Variants in QNG1 observed in about 807,000 individuals in gnomAD.
QNG1 encodes Q-nucleotide N-glycosylase 1, also known as queuosine 5'-phosphate N-glycosylase/hydrolase.
chr9:83,952,010 G>T, the QNG1 span, among the ~76,000 whole-genome samples: 5 of 152,014 alleles, frequency 3.3e-5, no homozygotes, highest in African/African-American at 1.2e-4. Context: ...ATTTTTTTGG[G>T]GACAAGGTCT....
chr9:83,943,827 C>A, the QNG1 span, among the ~76,000 whole-genome samples: 9 of 150,754 alleles, frequency 6.0e-5, no homozygotes, highest in African/African-American at 2.2e-4. Flanking sequence ...CGAGACCATC[C>A]TGGCTAACAC....
the QNG1 span, among the ~76,000 whole-genome samples, chr9:83,940,824 G>A: frequency 6.6e-6 from 1 of 152,282 alleles, no homozygotes; most frequent in Non-Finnish European, 1.5e-5. Context: ...GATATCTTGT[G>A]ACCTTAAGTA....
chr9:83,956,533 T>C, the QNG1 span: 1 of 1,506,264 alleles, frequency 6.6e-7, no homozygotes, highest in Admixed American at 2.3e-5. Context: ...GCCAAACTCT[T>C]CCCGCCCTAG....
At chr9:83,946,632 A>G in the QNG1 span, among the ~76,000 whole-genome samples, 2 of 152,190 alleles carry the variant, frequency 1.3e-5, no homozygotes, top group African/African-American at 4.8e-5. Context: ...TACACTTGTA[A>G]TCCCATCAAT....
At chr9:83,944,947 C>G in the QNG1 span, 1 of 1,612,198 alleles carries the variant, frequency 6.2e-7, no homozygotes, top group South Asian at 1.1e-5. Context: ...CACGTATCTG[C>G]TACAAGGATT....
chr9:83,954,879 CAAAAAAAAAAAAA>C, the QNG1 span, among the ~76,000 whole-genome samples: 15 of 47,028 alleles, frequency 3.2e-4, no homozygotes, highest in Non-Finnish European at 6.2e-4. Flanking sequence ...GAGTCCATCT[CAAAAAAAAAAAAA>C]AAAAAAAAAA....
chr9:83,952,356 T>C, the QNG1 span, among the ~76,000 whole-genome samples: 1 of 152,216 alleles, frequency 6.6e-6, no homozygotes, highest in African/African-American at 2.4e-5. Flanking sequence ...TGTACCAATT[T>C]TCATTTAAAA....
the QNG1 span, chr9:83,956,365 C>A: frequency 6.2e-7 from 1 of 1,609,442 alleles, no homozygotes; most frequent in Non-Finnish European, 8.5e-7. Flanking sequence ...CACCCCTCCA[C>A]GCGCAGCTCT....
chr9:83,944,782 A>G, the QNG1 span: 1 of 1,598,380 alleles, frequency 6.3e-7, no homozygotes, highest in Non-Finnish European at 8.5e-7. Context: ...AGAATGACTT[A>G]AAGTTGCAAA....
the QNG1 span, among the ~76,000 whole-genome samples, chr9:83,951,458 G>A: frequency 2.6e-5 from 4 of 152,010 alleles, no homozygotes; most frequent in East Asian, 7.7e-4. Context: ...TAACTCAGGA[G>A]GCTGAGGCAG....
chr9:83,954,030 G>A, the QNG1 span, among the ~76,000 whole-genome samples: 112 of 152,216 alleles, frequency 7.4e-4, 1 homozygote, highest in Middle Eastern at 3.4e-3. Flanking sequence ...AAGTAGCTGG[G>A]ACTACAGGTG....
At chr9:83,939,212 T>C in the QNG1 span, 2 of 271,522 alleles carry the variant, frequency 7.4e-6, no homozygotes, top group South Asian at 8.3e-5. Context: ...TAACTGGGAT[T>C]ACAGGCACGT....
the QNG1 span, chr9:83,938,819 C>T: frequency 9.9e-5 from 15 of 152,066 alleles, no homozygotes; most frequent in African/African-American, 3.6e-4. Context: ...CTGTGGCTCA[C>T]TGCAGCCTCA....
At chr9:83,951,367 C>A in the QNG1 span, among the ~76,000 whole-genome samples, 5 of 152,208 alleles carry the variant, frequency 3.3e-5, no homozygotes. Flanking sequence ...TCGAGACCAG[C>A]CTGGCCAACA....
the QNG1 span, among the ~76,000 whole-genome samples, chr9:83,955,026 C>T: frequency 1.3e-5 from 2 of 151,842 alleles, no homozygotes; most frequent in East Asian, 3.9e-4. Context: ...AGTGAAACCC[C>T]GTCTCTACTA....
chr9:83,945,316 G>A, the QNG1 span, among the ~76,000 whole-genome samples: 1 of 150,716 alleles, frequency 6.6e-6, no homozygotes, highest in Admixed American at 6.6e-5. Flanking sequence ...TGGGAGAATC[G>A]CATGAGCCTG....
the QNG1 span, among the ~76,000 whole-genome samples, chr9:83,946,191 G>A: frequency 6.6e-6 from 1 of 151,872 alleles, no homozygotes; most frequent in Non-Finnish European, 1.5e-5. Flanking sequence ...TGTAGTCTCA[G>A]CTACTCAGGA....
chr9:83,956,345 A>G, the QNG1 span: 3 of 1,612,758 alleles, frequency 1.9e-6, no homozygotes, highest in Non-Finnish European at 2.5e-6. Flanking sequence ...TCAGCTCATG[A>G]AGGGCTTTCC....
the QNG1 span, among the ~76,000 whole-genome samples, chr9:83,951,118 A>G: frequency 6.6e-6 from 1 of 152,054 alleles, no homozygotes; most frequent in South Asian, 2.1e-4. Flanking sequence ...CAAAAATATA[A>G]AAATTGACCA....
Sources: allele counts gnomAD v4.1 joint callset (sites outside exome capture counted in the v4.1 genomes callset), GRCh38; gene constraint gnomAD v4.1.1; transcripts MANE v1.5; gene names NCBI Gene and HGNC (gene_info 2026-07-23, HGNC 2026-07-21).